Variants in COL19A1 observed in about 807,000 individuals in gnomAD.
The protein encoded by COL19A1 is collagen type XIX alpha 1 chain, also known as collagen alpha-1(XIX) chain.
COL19A1 carries 159 observed loss-of-function variants against 190.2 expected under a neutral mutation model. The observed-to-expected ratio is 0.84, with a 90% CI of 0.73 to 0.95. The LOEUF (loss-of-function observed/expected upper bound fraction) is 0.95, where lower values mean the gene tolerates loss of function less well. Ranked by LOEUF, COL19A1 falls within the 40% of genes least tolerant of loss-of-function variation. The pLI is 0.00. For synonymous variants in COL19A1, 509 were observed against 458.9 expected (o/e 1.11, Z -1.39); for missense variants, 1,418 against 1,431.9 (o/e 0.99, Z 0.16).
At chr6:70,110,523 T>C (rs141149526) in intron 16 of COL19A1, among the ~76,000 whole-genome samples, 50 of 152,282 alleles carry the variant, frequency 3.3e-4, no homozygotes, top group East Asian at 1.5e-3. Context: ...ATCATGTTTA[T>C]TGCCACTTGT....
chr6:69,966,181 C>T (rs542482467), intron 11 of COL19A1, among the ~76,000 whole-genome samples: 17 of 152,200 alleles, frequency 1.1e-4, no homozygotes, highest in African/African-American at 2.7e-4. Context: ...CCAGCTGCCC[C>T]GTGCGGGAGG....
chr6:69,910,093 A>T (rs944996591), intron 4 of COL19A1, among the ~76,000 whole-genome samples: 1 of 152,156 alleles, frequency 6.6e-6, no homozygotes, highest in African/African-American at 2.4e-5. Context: ...AGCTACTTGC[A>T]TATTTTAGGC....
In COL19A1 at chr6:69,897,487, A is replaced by ACACACACACC. The variant is rs57788189; in HGVS notation, c.92-1460_92-1459insACACACACCC. On this transcript the variant is annotated intron_variant, in intron 2 of 50. Coordinates refer to ENST00000620364, the MANE Select transcript of COL19A1 (RefSeq NM_001858.6). Reference sequence around the variant, plus strand: ...CACACACACACACACACACACACACACCCCATACTGTTGGGATTTTAATTG... The same window carrying ACACACACACC: ...CACACACACACACACACACACACACACACACACACCCCCCATACTGTTGGGATTTTAATTG... 6.8e-3 allele frequency among the ~76,000 whole-genome samples: 969 copies of ACACACACACC among 142,618 alleles called. 8 individuals carry two copies. Among genetic ancestry groups the ACACACACACC allele is most frequent in the African/African-American group, 0.026 (892 of 34,704 alleles). 93.6% of individuals were successfully genotyped at this position (142,618 alleles called of 152,430 possible). A position where few individuals can be genotyped will look rare whatever the true frequency, so the allele number is the denominator to read the frequency against.
At chr6:70,075,198 A>T (rs1265674637) in intron 15 of COL19A1, among the ~76,000 whole-genome samples, 2 of 152,218 alleles carry the variant, frequency 1.3e-5, no homozygotes, top group Non-Finnish European at 2.9e-5. Flanking sequence ...CTAGATGAAT[A>T]ACAGGGAAAT....
chr6:70,150,472 A>G (rs1249801711), intron 30 of COL19A1, among the ~76,000 whole-genome samples: 1 of 152,178 alleles, frequency 6.6e-6, no homozygotes, highest in Non-Finnish European at 1.5e-5. Context: ...CGATGATTAA[A>G]TTATGAAAAC....
intron 36 of COL19A1, 23 bp downstream of exon 36, chr6:70,163,419 A>G (rs1172655682): frequency 1.9e-6 from 3 of 1,606,160 alleles, no homozygotes; most frequent in Non-Finnish European, 2.6e-6. Context: ...AGCCTCACTT[A>G]CCATCCAAAC....
At chr6:70,176,455 A>G in intron 41 of COL19A1, 65 bp from the exon 42 acceptor site, 1 of 1,523,128 alleles carries the variant, frequency 6.6e-7, no homozygotes, top group East Asian at 2.3e-5. Flanking sequence ...TTATTTGAGA[A>G]TTAATTTCAT....
intron 14 of COL19A1, among the ~76,000 whole-genome samples, chr6:70,036,515 T>C (rs1328800486): frequency 6.6e-6 from 1 of 152,224 alleles, no homozygotes; most frequent in African/African-American, 2.4e-5. Context: ...AATCAAATGG[T>C]ACATCATGTA....
At chr6:70,130,301 C>A (rs1054203709) in intron 18 of COL19A1, 78 bp downstream of exon 18, 4 of 1,198,690 alleles carry the variant, frequency 3.3e-6, no homozygotes, top group East Asian at 5.1e-5. Context: ...TCTTGGCTCA[C>A]TATAACCTCC....
intron 16 of COL19A1, among the ~76,000 whole-genome samples, chr6:70,105,571 T>C (rs1305612456): frequency 6.6e-6 from 1 of 152,204 alleles, no homozygotes; most frequent in African/African-American, 2.4e-5. Context: ...TCCCCCTTAA[T>C]TGTGGACATT....
At chr6:70,167,714 T>G (rs771737136) in intron 37 of COL19A1, among the ~76,000 whole-genome samples, 19 of 152,338 alleles carry the variant, frequency 1.2e-4, no homozygotes, top group Non-Finnish European at 2.2e-4. Flanking sequence ...TGAATTTTAA[T>G]GAGCAAATAT....
rs995647709 is a variant in COL19A1 at position 70,207,387 on chromosome 6, T to C, written c.*113T>C. 7.1e-6 allele frequency: 6 copies of C among 848,350 alleles called. No homozygotes were observed. In the African/African-American group the frequency reaches 9.3e-5, roughly 13 times the overall value. 52.6% of individuals were successfully genotyped at this position (848,350 alleles called of 1,614,324 possible). The stretch of plus-strand genomic sequence containing the variant: ...TGCTTTTTTTTTTTTTTTTTTTTTT[T>C]GGGAGTAAGCCAGGCATTAAAAGCA... On this transcript the variant is annotated 3_prime_UTR_variant, in exon 51 of 51. Transcript: ENST00000620364.
intron 17 of COL19A1, among the ~76,000 whole-genome samples, chr6:70,122,754 A>C (rs2150213193): frequency 6.6e-6 from 1 of 152,040 alleles, no homozygotes; most frequent in Admixed American, 6.6e-5. Context: ...GACAGCTGTT[A>C]CTCCTCTTTG....
chr6:70,204,312 A>T (rs193018718), intron 49 of COL19A1, among the ~76,000 whole-genome samples: 32 of 152,348 alleles, frequency 2.1e-4, no homozygotes, highest in African/African-American at 7.5e-4. Flanking sequence ...CATTCCTACA[A>T]GGAGTTTTGT....
At chr6:70,083,366 T>A (rs12200700) in intron 15 of COL19A1, among the ~76,000 whole-genome samples, 92,689 of 151,994 alleles carry the variant, frequency 0.61, 29,136 homozygotes, top group African/African-American at 0.75. Context: ...TTTAAAAATT[T>A]TATTTTTAAG....
At position 70,149,595 on chromosome 6, in the gene COL19A1, A is replaced by T. The variant is rs2346211; in HGVS notation, c.1894-109A>T. On this transcript the variant is annotated intron_variant, in intron 27 of 50. Coordinates refer to ENST00000620364, the MANE Select transcript of COL19A1 (RefSeq NM_001858.6). The stretch of plus-strand genomic sequence containing the variant: ...GTTTTCCACGTGTGTACGGTGGCAA[A>T]CCCTGTTGTTCCTCTAAGTAAACTA... The T allele has an allele frequency of 0.21, 296,437 of 1,394,598 alleles. 34,435 individuals are homozygous for T. The highest frequency in any genetic ancestry group is 0.25 in the Middle Eastern group (1,286 of 5,090). 86.4% of individuals were successfully genotyped at this position (1,394,598 alleles called of 1,614,324 possible).
At chr6:70,193,691 C>T (rs973384021) in intron 48 of COL19A1, among the ~76,000 whole-genome samples, 2 of 152,190 alleles carry the variant, frequency 1.3e-5, no homozygotes, top group Non-Finnish European at 2.9e-5. Context: ...ATAGCCCTTT[C>T]CTTTTGTCTC....
chr6:69,926,136 G>A (rs1446534855), intron 4 of COL19A1, among the ~76,000 whole-genome samples: 1 of 152,136 alleles, frequency 6.6e-6, no homozygotes, highest in East Asian at 1.9e-4. Flanking sequence ...GAATAGGAGT[G>A]GTGAGAGAGG....
intron 23 of COL19A1, among the ~76,000 whole-genome samples, chr6:70,143,366 G>C (rs1431062039): frequency 6.6e-6 from 1 of 152,008 alleles, no homozygotes; most frequent in Non-Finnish European, 1.5e-5. Context: ...TTCATTATCC[G>C]GATCAGCTTT....
Sources: gnomAD v4.1 joint callset for allele counts (sites outside exome capture counted in the v4.1 genomes callset) on GRCh38, gnomAD v4.1.1 for gene constraint, MANE v1.5 for transcripts, NCBI Gene and HGNC (gene_info 2026-07-23, HGNC 2026-07-21) for gene names.